Variants in FRMD5 observed in about 807,000 individuals in gnomAD.
FRMD5 encodes the protein FERM domain-containing protein 5.
FRMD5 carries 20 observed loss-of-function variants against 69.0 expected under a neutral mutation model. That is an observed-to-expected ratio of 0.29 (90% CI 0.20 to 0.42). The LOEUF is 0.42. Among genes scored for constraint, FRMD5 ranks in the 10% least tolerant of loss-of-function variants. FRMD5 has a pLI of 1.00. For synonymous variants in FRMD5, 271 were observed against 260.1 expected, an observed-to-expected ratio of 1.04 and a Z score of -0.40; for missense variants, 595 against 708.6, an observed-to-expected ratio of 0.84 and a Z score of 1.82.
intron 4 of FRMD5, among the ~76,000 whole-genome samples, chr15:43,916,171 G>A (rs766005973): frequency 6.6e-6 from 1 of 152,178 alleles, no homozygotes; most frequent in Non-Finnish European, 1.5e-5. Flanking sequence ...CAGACCGAGA[G>A]GAGCTCCTTC....
intron 1 of FRMD5, among the ~76,000 whole-genome samples, chr15:44,167,879 C>T (rs1466751343): frequency 6.6e-6 from 1 of 152,188 alleles, no homozygotes; most frequent in Non-Finnish European, 1.5e-5. Flanking sequence ...GCATGAGCCA[C>T]GGGGCCCAGT....
Position 43,915,309 on chromosome 15 carries a change from C to T in FRMD5, c.329+4150G>A, listed in dbSNP as rs925235004. ...TAGTTGCGACAGAGACCATATGGCCCGACAAGCCAAAAATACTTACTATTT... is the reference window on the plus strand; with the variant it reads ...TAGTTGCGACAGAGACCATATGGCCTGACAAGCCAAAAATACTTACTATTT... On this transcript the variant is annotated intron_variant, in intron 4 of 13. Coordinates refer to ENST00000417257, the MANE Select transcript of FRMD5 (RefSeq NM_032892.5). Among the ~76,000 whole-genome samples the T allele has an allele frequency of 2.0e-5, 3 of 152,262 alleles. No homozygotes were observed. The East Asian group carries it at 5.8e-4, about 29-fold the overall frequency.
intron 1 of FRMD5, among the ~76,000 whole-genome samples, chr15:44,190,309 A>T (rs2078172712): frequency 6.6e-6 from 1 of 152,142 alleles, no homozygotes; most frequent in Non-Finnish European, 1.5e-5. Flanking sequence ...TGAGAAAATG[A>T]GGCTGTGAGG....
intron 1 of FRMD5, among the ~76,000 whole-genome samples, chr15:44,023,487 C>T (rs1029924779): frequency 7.2e-5 from 11 of 152,184 alleles, no homozygotes; most frequent in Non-Finnish European, 1.2e-4. Context: ...CTTAATAATA[C>T]GGAACTTTCT....
At chr15:43,972,523 T>C (rs1480333630) in intron 1 of FRMD5, among the ~76,000 whole-genome samples, 1 of 152,170 alleles carries the variant, frequency 6.6e-6, no homozygotes, top group East Asian at 1.9e-4. Context: ...GGGGCATCTT[T>C]GGGTGAACTA....
intron 1 of FRMD5, among the ~76,000 whole-genome samples, chr15:44,059,116 C>T (rs976117784): frequency 1.3e-5 from 2 of 152,174 alleles, no homozygotes; most frequent in African/African-American, 4.8e-5. Context: ...CCTCAACTAG[C>T]ATCAATCACA....
At chr15:44,017,192 G>C (rs577990434) in intron 1 of FRMD5, among the ~76,000 whole-genome samples, 1 of 152,002 alleles carries the variant, frequency 6.6e-6, no homozygotes, top group Non-Finnish European at 1.5e-5. Flanking sequence ...CAAAAAATTA[G>C]CCGGGCCTGG....
chr15:43,911,068 A>T (rs1324800364), intron 4 of FRMD5, among the ~76,000 whole-genome samples: 2 of 152,208 alleles, frequency 1.3e-5, no homozygotes, highest in African/African-American at 4.8e-5. Context: ...ATGTCTTCAC[A>T]AGGAGTGTGG....
At chr15:44,136,700 C>T (rs2077191559) in intron 1 of FRMD5, among the ~76,000 whole-genome samples, 1 of 152,296 alleles carries the variant, frequency 6.6e-6, no homozygotes, top group Admixed American at 6.5e-5. Flanking sequence ...TCTTTCTCCT[C>T]TTCTAGGGTA....
intron 1 of FRMD5, among the ~76,000 whole-genome samples, chr15:43,971,191 G>C (rs925989765): frequency 1.3e-5 from 2 of 149,264 alleles, no homozygotes; most frequent in Non-Finnish European, 3.0e-5. Flanking sequence ...AGTGAGCTGA[G>C]AGCATGCCAC....
chr15:44,187,538 G>A (rs1240786922), intron 1 of FRMD5, among the ~76,000 whole-genome samples: 3 of 149,954 alleles, frequency 2.0e-5, no homozygotes, highest in Non-Finnish European at 4.4e-5. Flanking sequence ...TGCTCTTTAC[G>A]CATCCCCATG....
At chr15:43,937,687 G>C (rs888227522) in intron 1 of FRMD5, among the ~76,000 whole-genome samples, 11 of 151,498 alleles carry the variant, frequency 7.3e-5, no homozygotes, top group Non-Finnish European at 1.5e-4. Flanking sequence ...CAACATCCAT[G>C]GAAAAGAGGG....
chr15:44,070,318 A>T (rs1893486092), intron 1 of FRMD5, among the ~76,000 whole-genome samples: 1 of 152,012 alleles, frequency 6.6e-6, no homozygotes, highest in Non-Finnish European at 1.5e-5. Flanking sequence ...ATAAAATAAA[A>T]ATAAGAAAAA....
At position 44,124,672 on chromosome 15, in the gene FRMD5, C is replaced by T. The variant is rs535038409; in HGVS notation, c.102+70281G>A. On this transcript the variant is annotated intron_variant, in intron 1 of 13. Transcript: ENST00000417257. ...CAAGATCATCCCACTGCACTCCAGC[C>T]TGGGTGACAGAGGGAGACTTCATCT... Among the ~76,000 whole-genome samples the T allele has an allele frequency of 2.0e-5, 3 of 152,178 alleles. No individual in the cohort carries two copies. The East Asian group carries it at 5.8e-4, about 29-fold the overall frequency.
intron 13 of FRMD5, chr15:43,875,903 T>C: frequency 1.1e-6 from 1 of 874,810 alleles, no homozygotes; most frequent in Non-Finnish European, 2.0e-6. Context: ...TCTTAACTGC[T>C]GGGTCTGTAA....
intron 1 of FRMD5, among the ~76,000 whole-genome samples, chr15:44,043,092 A>T (rs1892271446): frequency 1.3e-5 from 2 of 152,220 alleles, no homozygotes; most frequent in Non-Finnish European, 2.9e-5. Context: ...TCAGGATAAA[A>T]AATTAATGTG....
intron 1 of FRMD5, among the ~76,000 whole-genome samples, chr15:44,053,554 T>C (rs1892752569): frequency 6.6e-6 from 1 of 152,008 alleles, no homozygotes; most frequent in Admixed American, 6.5e-5. Context: ...TTGAGTTATG[T>C]AGGAAGCAAA....
intron 1 of FRMD5, among the ~76,000 whole-genome samples, chr15:44,156,355 G>T (rs923688270): frequency 6.6e-6 from 1 of 152,104 alleles, no homozygotes; most frequent in Non-Finnish European, 1.5e-5. Flanking sequence ...TATTGGCCAG[G>T]CTGGCCTCAA....
chr15:44,135,416 C>T (rs557327831), intron 1 of FRMD5, among the ~76,000 whole-genome samples: 71 of 152,286 alleles, frequency 4.7e-4, no homozygotes, highest in African/African-American at 1.6e-3. Flanking sequence ...TATTCCTATG[C>T]ATACCTGATT....
Sources: allele counts gnomAD v4.1 joint callset (sites outside exome capture counted in the v4.1 genomes callset), GRCh38; gene constraint gnomAD v4.1.1; transcripts MANE v1.5; gene names NCBI Gene and HGNC (gene_info 2026-07-23, HGNC 2026-07-21).